ACLY: variants seen among roughly 807,000 people sequenced by gnomAD.
ACLY encodes the protein ATP citrate lyase.
Under a neutral mutation model 133.0 loss-of-function variants are expected in ACLY, and 41 were observed. The observed-to-expected ratio is 0.31, with a 90% CI of 0.24 to 0.40. The LOEUF is 0.40. Among genes scored for constraint, ACLY ranks in the 10% least tolerant of loss-of-function variants. The probability of loss-of-function intolerance (pLI) is 1.00; values close to 1 mark genes in which losing one functional copy is unlikely to be tolerated. For missense variants in ACLY, 1,046 were observed against 1,453.8 expected, an observed-to-expected ratio of 0.72 and a Z score of 4.56; for synonymous variants, 495 against 549.3, an observed-to-expected ratio of 0.90 and a Z score of 1.38.
chr17:41,926,888 G>A (rs530621427), intron 1 of ACLY, among the ~76,000 whole-genome samples: 62 of 151,384 alleles, frequency 4.1e-4, no homozygotes, highest in African/African-American at 1.5e-3. Flanking sequence ...TTTTTTTTGA[G>A]ATGGAGTTTC....
chr17:41,877,987 C>T (rs1447088516), intron 22 of ACLY, 116 bp downstream of exon 22: 15 of 518,576 alleles, frequency 2.9e-5, no homozygotes, highest in African/African-American at 2.2e-4. Flanking sequence ...AAGAGATCCC[C>T]GACTAATACA....
chr17:41,869,358 A>G, intron 26 of ACLY, 116 bp downstream of exon 26: 3 of 926,620 alleles, frequency 3.2e-6, no homozygotes, highest in Non-Finnish European at 5.0e-6. Flanking sequence ...AACAAAAATA[A>G]CATTTCTAGA....
chr17:41,894,085 G>A (rs782223622), intron 14 of ACLY, among the ~76,000 whole-genome samples: 2 of 151,878 alleles, frequency 1.3e-5, no homozygotes, highest in Non-Finnish European at 2.9e-5. Flanking sequence ...GTGGTGGGGT[G>A]GACACCTGTA....
chr17:41,909,095 G>A, intron 5 of ACLY, 27 bp from the exon 6 acceptor site: 2 of 1,578,458 alleles, frequency 1.3e-6, no homozygotes, highest in Non-Finnish European at 1.7e-6. Context: ...GAGAGGGACA[G>A]TTCATCCATC....
rs148640026 is a variant in ACLY, at chr17:41,867,829, G to A, written c.3287C>T (p.Pro1096Leu). The A allele has an allele frequency of 2.9e-5, 46 of 1,610,480 alleles. No homozygotes were observed. The highest frequency in any genetic ancestry group is 8.8e-5 in the South Asian group (8 of 90,606). The stretch of plus-strand genomic sequence containing the variant: ...GCTCTGTTACATGCTCATGTGTTCC[G>A]GAAGAACATATGAAATATCATCCCA... ...HPWDDISYVL[P>L]EHMSM The change falls in exon 29 of 29, where the codon CCG becomes CTG. Residue 1096 changes from proline to leucine, a missense_variant. Physicochemically the swap from Pro to Leu is moderately conservative, Grantham distance 98 (BLOSUM62 -3). Transcript: ENST00000352035.
chr17:41,889,241 G>A (rs1198759479), intron 16 of ACLY, among the ~76,000 whole-genome samples: 4 of 152,026 alleles, frequency 2.6e-5, no homozygotes, highest in African/African-American at 4.8e-5. Context: ...AGCAGCAGCC[G>A]GACGTGGTGG....
rs782242955 is a variant in ACLY at position 41,909,045 on chromosome 17, C to G, written c.560G>C (p.Gly187Ala). The change falls in exon 6 of 29, where the codon GGC becomes GCC. Residue 187 changes from glycine to alanine, a missense_variant. Transcript: ENST00000352035. ...KKEILASFIS[G>A]LFNFYEDLYF... ...CAAGTCCTCGTAGAAATTGAAGAGGCCGGAGATAAAACTGGCCAGAATTCT... is the reference window on the plus strand; with the variant it reads ...CAAGTCCTCGTAGAAATTGAAGAGGGCGGAGATAAAACTGGCCAGAATTCT... 1.2e-6 allele frequency: 2 copies of G among 1,612,824 alleles called. No individual in the cohort carries two copies. The highest frequency in any genetic ancestry group is 2.2e-5 in the South Asian group (2 of 90,792).
intron 14 of ACLY, among the ~76,000 whole-genome samples, chr17:41,896,146 G>A (rs1373496838): frequency 6.6e-6 from 1 of 152,162 alleles, no homozygotes; most frequent in Non-Finnish European, 1.5e-5. Flanking sequence ...TGGTGAAGCC[G>A]AGGCAGGAAA....
At chr17:41,917,622 T>C (rs1158576412) in intron 1 of ACLY, among the ~76,000 whole-genome samples, 1 of 152,196 alleles carries the variant, frequency 6.6e-6, no homozygotes, top group Non-Finnish European at 1.5e-5. Flanking sequence ...TGAAGGTTAG[T>C]ATCTGCAGGA....
At chr17:41,876,872 C>T (rs1478596745) in intron 22 of ACLY, among the ~76,000 whole-genome samples, 3 of 151,642 alleles carry the variant, frequency 2.0e-5, no homozygotes, top group Non-Finnish European at 4.4e-5. Context: ...CCTGCCAAAT[C>T]CCCCTCTGCG....
At chr17:41,913,390 A>T (rs2049959180) in intron 2 of ACLY, among the ~76,000 whole-genome samples, 1 of 152,248 alleles carries the variant, frequency 6.6e-6, no homozygotes, top group African/African-American at 2.4e-5. Flanking sequence ...CAAAGTGAGT[A>T]TTATCCCATT....
chr17:41,869,458 GT>G lies in ACLY; in HGVS notation c.3051+15del. Reference sequence around the variant, plus strand: ...TTGTCCAACGTGAGGGAATTAGGAAGTTTTTTCTTTGTTACCTTCGAGGTGG... The same window carrying G: ...TTGTCCAACGTGAGGGAATTAGGAAGTTTTTCTTTGTTACCTTCGAGGTGG... On this transcript the variant is annotated intron_variant, in intron 26 of 28. Coordinates refer to ENST00000352035, the MANE Select transcript of ACLY (RefSeq NM_001096.3). The G allele has an allele frequency of 1.2e-6, 2 of 1,603,146 alleles. No homozygotes were observed. Among genetic ancestry groups the G allele is most frequent in the Non-Finnish European group, 1.7e-6 (2 of 1,170,690 alleles).
At position 41,918,758 on chromosome 17, in the gene ACLY, C is replaced by T. The variant is rs972298686; in HGVS notation, c.-24+122G>A. 5 of 1,199,136 alleles carry T rather than the reference C, an allele frequency of 4.2e-6. No individual in the cohort carries two copies. The African/African-American group carries it at 6.6e-5, about 16-fold the overall frequency. 74.3% of individuals were successfully genotyped at this position (1,199,136 alleles called of 1,614,324 possible). A position where few individuals can be genotyped will look rare whatever the true frequency, so the allele number is the denominator to read the frequency against. ...CCTAAAGCTAAGACCCTCAAAACTT[C>T]CGAGCAGGGCGCGTGGGCACCGAGC... On this transcript the variant is annotated intron_variant, in intron 1 of 28. Transcript: ENST00000352035.
chr17:41,890,982 T>A (rs994684342), intron 16 of ACLY, among the ~76,000 whole-genome samples: 23 of 149,244 alleles, frequency 1.5e-4, no homozygotes, highest in African/African-American at 4.7e-4. Context: ...AAAAAAAAAA[T>A]AAATAAATAC....
At chr17:41,897,273 C>T (rs1432027861) in intron 13 of ACLY, among the ~76,000 whole-genome samples, 1 of 151,996 alleles carries the variant, frequency 6.6e-6, no homozygotes, top group African/African-American at 2.4e-5. Flanking sequence ...GGCTGACAGG[C>T]GGGGGCTTTT....
At chr17:41,926,675 G>T (rs1282499397) in intron 1 of ACLY, among the ~76,000 whole-genome samples, 2 of 151,854 alleles carry the variant, frequency 1.3e-5, no homozygotes, top group Non-Finnish European at 2.9e-5. Flanking sequence ...TTTTAGTAGA[G>T]ACAGGGTTTC....
At chr17:41,911,894 T>A (rs1443836737) in intron 3 of ACLY, among the ~76,000 whole-genome samples, 1 of 152,034 alleles carries the variant, frequency 6.6e-6, no homozygotes, top group Non-Finnish European at 1.5e-5. Context: ...GCAGGCAGAT[T>A]ACCTGAGGTC....
At chr17:41,876,288 G>A (rs1311549131) in intron 22 of ACLY, among the ~76,000 whole-genome samples, 4 of 149,982 alleles carry the variant, frequency 2.7e-5, no homozygotes, top group African/African-American at 7.5e-5. Flanking sequence ...CGGGAGGGAG[G>A]TGGGGGGGTC....
chr17:41,906,805 T>C (rs560384738), intron 7 of ACLY, among the ~76,000 whole-genome samples, 159 bp from the exon 8 acceptor site: 2 of 152,298 alleles, frequency 1.3e-5, no homozygotes, highest in African/African-American at 4.8e-5. Flanking sequence ...TTGAAGACAC[T>C]TGATGGTGTC....
Sources: allele counts gnomAD v4.1 joint callset (sites outside exome capture counted in the v4.1 genomes callset), GRCh38; gene constraint gnomAD v4.1.1; transcripts MANE v1.5; gene names NCBI Gene and HGNC (gene_info 2026-07-23, HGNC 2026-07-21).